The following GALNTL6 variants were observed in gnomAD, a reference collection of about 807,000 sequenced individuals.
GALNTL6 encodes the protein polypeptide N-acetylgalactosaminyltransferase like 6.
GALNTL6 carries 46 observed loss-of-function variants against 73.7 expected under a neutral mutation model. That is an observed-to-expected ratio of 0.62 (90% confidence interval 0.49 to 0.80). The LOEUF (loss-of-function observed/expected upper bound fraction) is 0.80, where lower values mean the gene tolerates loss of function less well. Among genes scored for constraint, GALNTL6 ranks in the 30% least tolerant of loss-of-function variants. The pLI is 0.00. For synonymous variants in GALNTL6, 259 were observed against 263.7 expected (o/e 0.98, Z 0.17); for missense variants, 604 against 755.0 (o/e 0.80, Z 2.34).
chr4:172,964,147 T>C (rs927410662), intron 10 of GALNTL6, among the ~76,000 whole-genome samples: 4 of 152,174 alleles, frequency 2.6e-5, no homozygotes, highest in South Asian at 2.1e-4. Context: ...AGGTTTAAAG[T>C]GGAAAACTAT....
intron 4 of GALNTL6, among the ~76,000 whole-genome samples, chr4:172,313,600 G>GA (rs376434609): frequency 1.3e-5 from 2 of 151,696 alleles, no homozygotes; most frequent in East Asian, 3.9e-4. Flanking sequence ...GTAATAATGG[G>GA]AAAAAAATGG....
intron 3 of GALNTL6, among the ~76,000 whole-genome samples, chr4:172,231,416 A>C (rs1737067412): frequency 1.3e-5 from 2 of 152,220 alleles, no homozygotes; most frequent in Admixed American, 1.3e-4. Flanking sequence ...AAATTAAGTA[A>C]AATTGAGTTC....
At chr4:171,929,428 G>C (rs1406286948) in intron 2 of GALNTL6, among the ~76,000 whole-genome samples, 1 of 152,124 alleles carries the variant, frequency 6.6e-6, no homozygotes, top group African/African-American at 2.4e-5. Context: ...GAATATCTTG[G>C]TGATGTGAGC....
At chr4:172,738,758 G>A (rs1040030819) in intron 5 of GALNTL6, among the ~76,000 whole-genome samples, 1 of 152,108 alleles carries the variant, frequency 6.6e-6, no homozygotes, top group Non-Finnish European at 1.5e-5. Context: ...AGGCATACAT[G>A]AGACAATGAG....
intron 2 of GALNTL6, among the ~76,000 whole-genome samples, chr4:172,096,062 C>T (rs954282777): frequency 4.2e-5 from 6 of 141,610 alleles, no homozygotes; most frequent in African/African-American, 1.0e-4. Flanking sequence ...GTCATATTTT[C>T]GATTTCTCTC....
At chr4:172,634,107 C>T (rs184964834) in intron 5 of GALNTL6, among the ~76,000 whole-genome samples, 38 of 152,310 alleles carry the variant, frequency 2.5e-4, no homozygotes, top group African/African-American at 8.9e-4. Context: ...TCCATATTCA[C>T]CTCCATCTGT....
intron 5 of GALNTL6, among the ~76,000 whole-genome samples, chr4:172,366,923 G>A (rs1367424890): frequency 6.6e-6 from 1 of 152,140 alleles, no homozygotes; most frequent in Non-Finnish European, 1.5e-5. Context: ...CAAAATTACT[G>A]CTAATTAATT....
chr4:171,924,183 TACACACACAC>T (rs371649848), intron 2 of GALNTL6, among the ~76,000 whole-genome samples: 3 of 142,456 alleles, frequency 2.1e-5, no homozygotes, highest in Admixed American at 7.1e-5. Flanking sequence ...ACCACACACA[TACACACACAC>T]ACACACACAC....
chr4:172,627,723 A>T (rs938945024), intron 5 of GALNTL6, among the ~76,000 whole-genome samples: 1 of 151,894 alleles, frequency 6.6e-6, no homozygotes, highest in Non-Finnish European at 1.5e-5. Context: ...TTCCTGTTTC[A>T]ATCTTGGGAG....
At chr4:172,617,689 G>A (rs745673374) in intron 5 of GALNTL6, among the ~76,000 whole-genome samples, 1 of 151,796 alleles carries the variant, frequency 6.6e-6, no homozygotes, top group African/African-American at 2.4e-5. Context: ...CACCGTGTTA[G>A]CCAGGATGGT....
At chr4:172,048,468 TC>T (rs1742279993) in intron 2 of GALNTL6, among the ~76,000 whole-genome samples, 1 of 152,136 alleles carries the variant, frequency 6.6e-6, no homozygotes, top group East Asian at 1.9e-4. Context: ...TAAGCCATTT[TC>T]CCTCAGTCAC....
intron 2 of GALNTL6, among the ~76,000 whole-genome samples, chr4:171,867,565 G>T (rs915232564): frequency 1.3e-5 from 2 of 152,112 alleles, no homozygotes; most frequent in African/African-American, 4.8e-5. Flanking sequence ...TCAGACCACT[G>T]TTGGCTTTCA....
chr4:172,070,952 A>T lies in GALNTL6; in HGVS notation c.139-158704A>T, dbSNP rs557428122. Among the ~76,000 whole-genome samples, 7 of 109,706 alleles carry T rather than the reference A, an allele frequency of 6.4e-5. 2 individuals carry two copies. In the East Asian group the frequency reaches 1.1e-3, roughly 16 times the overall value. The allele number at this position is 109,706 out of a possible 152,430, so 72.0% of individuals were successfully genotyped here. On this transcript the variant is annotated intron_variant, in intron 2 of 12. Transcript: ENST00000506823. Reference sequence around the variant, plus strand: ...AGGTATAAAAATAAATACTAATATAAAAAATACTAAGTTAGTTGTGTTGAT... The same window carrying T: ...AGGTATAAAAATAAATACTAATATATAAAATACTAAGTTAGTTGTGTTGAT...
At chr4:171,846,527 G>A (rs1735375677) in intron 2 of GALNTL6, among the ~76,000 whole-genome samples, 1 of 151,884 alleles carries the variant, frequency 6.6e-6, no homozygotes. Flanking sequence ...TGGTGGAGTG[G>A]CCTCAGTTAA....
At chr4:172,902,540 C>T (rs1746679975) in intron 8 of GALNTL6, among the ~76,000 whole-genome samples, 2 of 152,134 alleles carry the variant, frequency 1.3e-5, no homozygotes, top group South Asian at 4.1e-4. Context: ...AGTTCTTGGG[C>T]CATCTATAAT....
chr4:172,786,515 T>C (rs929260774), intron 5 of GALNTL6, among the ~76,000 whole-genome samples: 1 of 152,216 alleles, frequency 6.6e-6, no homozygotes, highest in Non-Finnish European at 1.5e-5. Flanking sequence ...ATTTTTAGTT[T>C]TTGTTTTACA....
At chr4:172,965,911 A>C (rs186513838) in intron 10 of GALNTL6, among the ~76,000 whole-genome samples, 1 of 152,208 alleles carries the variant, frequency 6.6e-6, no homozygotes, top group African/African-American at 2.4e-5. Context: ...TTTTAAGTGT[A>C]TGTTAGCCTA....
chr4:172,901,004 A>G (rs371482600), intron 8 of GALNTL6, among the ~76,000 whole-genome samples: 30 of 151,916 alleles, frequency 2.0e-4, no homozygotes, highest in East Asian at 7.8e-4. Flanking sequence ...CTCATTTCCT[A>G]TTTTTCAGTT....
intron 5 of GALNTL6, among the ~76,000 whole-genome samples, chr4:172,516,935 GA>G (rs1399644216): frequency 6.6e-6 from 1 of 152,060 alleles, no homozygotes; most frequent in Non-Finnish European, 1.5e-5. Context: ...GCCACAAAAA[GA>G]CAAATACTAC....
Sources: allele counts gnomAD v4.1 joint callset (sites outside exome capture counted in the v4.1 genomes callset), GRCh38; gene constraint gnomAD v4.1.1; transcripts MANE v1.5; gene names NCBI Gene and HGNC (gene_info 2026-07-23, HGNC 2026-07-21).